The following DOCK4 variants were observed in gnomAD, a reference collection of about 807,000 sequenced individuals.
The protein encoded by DOCK4 is dedicator of cytokinesis protein 4.
In DOCK4, 97 loss-of-function variants were observed where a neutral mutation model predicts 268.1. That is an observed-to-expected ratio of 0.36 (90% confidence interval 0.31 to 0.43). The LOEUF is 0.43. Among genes scored for constraint, DOCK4 ranks in the 20% least tolerant of loss-of-function variants. The pLI, the probability that DOCK4 is intolerant of heterozygous loss-of-function variation, is 1.00. For missense variants in DOCK4, 2,145 were observed against 2,455.7 expected, an observed-to-expected ratio of 0.87 and a Z score of 2.67; for synonymous variants, 954 against 887.2, an observed-to-expected ratio of 1.08 and a Z score of -1.34.
At chr7:111,931,827 CT>C (rs1439499345) in intron 12 of DOCK4, among the ~76,000 whole-genome samples, 2 of 152,150 alleles carry the variant, frequency 1.3e-5, no homozygotes, top group Non-Finnish European at 2.9e-5. Context: ...GTATGATGTC[CT>C]GTGGTAAGTG....
chr7:112,181,771 G>A (rs1819067424), intron 1 of DOCK4, among the ~76,000 whole-genome samples: 2 of 152,050 alleles, frequency 1.3e-5, no homozygotes, highest in Admixed American at 6.6e-5. Context: ...CAGGATCACA[G>A]GATTGAAATG....
chr7:111,958,492 T>C (rs570682069), intron 8 of DOCK4, among the ~76,000 whole-genome samples: 3 of 152,292 alleles, frequency 2.0e-5, no homozygotes, highest in East Asian at 1.9e-4. Flanking sequence ...ACCCGAATCC[T>C]AGTGAAAAGA....
At chr7:111,752,748 G>A (rs558566001) in intron 42 of DOCK4, among the ~76,000 whole-genome samples, 104 of 151,488 alleles carry the variant, frequency 6.9e-4, no homozygotes, top group African/African-American at 2.3e-3. Context: ...CACCATGCCC[G>A]GCTACTTTTT....
At chr7:111,739,362 G>C (rs1795734307) in intron 48 of DOCK4, 34 bp downstream of exon 48, 1 of 1,594,628 alleles carries the variant, frequency 6.3e-7, no homozygotes, top group Non-Finnish European at 8.6e-7. Context: ...GGTTCTCTGG[G>C]CACCCTCAGT....
At chr7:112,032,367 G>C (rs574236917) in intron 1 of DOCK4, among the ~76,000 whole-genome samples, 26 of 152,238 alleles carry the variant, frequency 1.7e-4, no homozygotes, top group African/African-American at 6.3e-4. Context: ...CGAAGTGCAT[G>C]GCTATCAACT....
intron 30 of DOCK4, chr7:111,808,107 G>A (rs1800815220): frequency 6.6e-6 from 1 of 152,064 alleles, no homozygotes; most frequent in South Asian, 2.1e-4. Flanking sequence ...AAATCAAAGA[G>A]GAGCATTAAG....
At chr7:111,853,929 GT>G (rs1051824482) in intron 23 of DOCK4, among the ~76,000 whole-genome samples, 1 of 150,508 alleles carries the variant, frequency 6.6e-6, no homozygotes, top group Non-Finnish European at 1.5e-5. Context: ...TGTTGTTGTT[GT>G]TGTTTGGTTT....
intron 40 of DOCK4, 128 bp downstream of exon 40, chr7:111,760,053 G>C: frequency 8.6e-7 from 1 of 1,159,998 alleles, no homozygotes; most frequent in East Asian, 2.4e-5. Flanking sequence ...TAAGATGATG[G>C]GAAAGAGGGA....
chr7:111,752,533 A>C (rs1347532379), intron 42 of DOCK4, among the ~76,000 whole-genome samples: 1 of 151,826 alleles, frequency 6.6e-6, no homozygotes, highest in Admixed American at 6.6e-5. Flanking sequence ...ATGGATTCTA[A>C]ACTATAAATG....
chr7:112,024,711 G>C (rs1802621634), intron 1 of DOCK4, among the ~76,000 whole-genome samples: 1 of 152,126 alleles, frequency 6.6e-6, no homozygotes, highest in South Asian at 2.1e-4. Context: ...CAGCCAGAGT[G>C]GTTCTTCTAA....
chr7:111,817,525 A>T (rs986070076), intron 27 of DOCK4, among the ~76,000 whole-genome samples: 1 of 152,208 alleles, frequency 6.6e-6, no homozygotes, highest in Non-Finnish European at 1.5e-5. Flanking sequence ...ACCACAAAAA[A>T]CAATGTCAGT....
At chr7:111,755,742 A>C (rs1796976438) in intron 41 of DOCK4, 141 bp from the exon 42 acceptor site, 1 of 724,956 alleles carries the variant, frequency 1.4e-6, no homozygotes, top group East Asian at 2.7e-5. Context: ...GCACTCATGA[A>C]ACTATCACAG....
At chr7:111,826,598 T>A (rs1299427222) in intron 26 of DOCK4, among the ~76,000 whole-genome samples, 1 of 152,160 alleles carries the variant, frequency 6.6e-6, no homozygotes, top group African/African-American at 2.4e-5. Context: ...CAGATGCAGC[T>A]AGAGGCCATT....
At chr7:112,170,639 G>C (rs899465473) in intron 1 of DOCK4, among the ~76,000 whole-genome samples, 1 of 151,744 alleles carries the variant, frequency 6.6e-6, no homozygotes, top group African/African-American at 2.4e-5. Flanking sequence ...AAGAAGGAAA[G>C]GATTATTTAA....
chr7:111,802,358 AG>A (rs1397042580), intron 30 of DOCK4, among the ~76,000 whole-genome samples: 1 of 152,182 alleles, frequency 6.6e-6, no homozygotes, highest in Non-Finnish European at 1.5e-5. Flanking sequence ...AGATGGCTGC[AG>A]GGGCTCAAAG....
intron 1 of DOCK4, among the ~76,000 whole-genome samples, chr7:112,171,625 T>C (rs76680172): frequency 0.1 from 15,292 of 152,214 alleles, 953 homozygotes; most frequent in South Asian, 0.14. Flanking sequence ...CCTGCACAAA[T>C]CTGGGTACCC....
intron 1 of DOCK4, among the ~76,000 whole-genome samples, chr7:112,178,968 A>G (rs899767057): frequency 1.3e-5 from 2 of 152,340 alleles, no homozygotes; most frequent in Admixed American, 1.3e-4. Context: ...AACTTCAGAT[A>G]TAAAATGAAC....
intron 1 of DOCK4, among the ~76,000 whole-genome samples, chr7:112,139,673 A>C (rs1408676757): frequency 6.6e-6 from 1 of 152,240 alleles, no homozygotes; most frequent in East Asian, 1.9e-4. Flanking sequence ...AGTGATAATT[A>C]AGAGTTTTCC....
chr7:111,916,612 C>T (rs1176574376), intron 12 of DOCK4, among the ~76,000 whole-genome samples: 1 of 152,052 alleles, frequency 6.6e-6, no homozygotes, highest in African/African-American at 2.4e-5. Flanking sequence ...GCTGGATATA[C>T]AGAAGATGCA....
Sources: gnomAD v4.1 joint callset for allele counts (sites outside exome capture counted in the v4.1 genomes callset) on GRCh38, gnomAD v4.1.1 for gene constraint, MANE v1.5 for transcripts, NCBI Gene and HGNC (gene_info 2026-07-23, HGNC 2026-07-21) for gene names.